Variants in ULK4 observed in about 807,000 individuals in gnomAD.
ULK4 encodes inactive serine/threonine-protein kinase ULK4.
A neutral mutation model predicts 160.6 loss-of-function variants in ULK4; 133 were observed. The observed-to-expected ratio is 0.83, with a 90% confidence interval of 0.72 to 0.96. ULK4 has a LOEUF of 0.96. Ranked by LOEUF, ULK4 falls within the 40% of genes least tolerant of loss-of-function variation. ULK4 has a pLI of 0.00. For synonymous variants in ULK4, 534 were observed against 539.8 expected, an observed-to-expected ratio of 0.99 and a Z score of 0.15; for missense variants, 1,580 against 1,499.5, an observed-to-expected ratio of 1.05 and a Z score of -0.89.
At chr3:41,935,697 A>T in intron 4 of ULK4, 104 bp downstream of exon 4, 2 of 1,344,354 alleles carry the variant, frequency 1.5e-6, no homozygotes, top group Non-Finnish European at 2.0e-6. Flanking sequence ...TAAAATTTCA[A>T]GATATTCTAT....
At chr3:41,751,003 A>C (rs2038607178) in intron 22 of ULK4, among the ~76,000 whole-genome samples, 1 of 72,508 alleles carries the variant, frequency 1.4e-5, no homozygotes, top group African/African-American at 5.7e-5. Context: ...AGAGAGAGGA[A>C]GGGAGGGAAG....
At chr3:41,256,762 C>T (rs1273878646) in intron 35 of ULK4, among the ~76,000 whole-genome samples, 1 of 151,986 alleles carries the variant, frequency 6.6e-6, no homozygotes, top group Non-Finnish European at 1.5e-5. Flanking sequence ...TTTTTGAAAA[C>T]ATAAGAGAAT....
In ULK4 at chr3:41,891,900, G is replaced by A. The variant is rs531804689; in HGVS notation, c.1577+3618C>T. Among the ~76,000 whole-genome samples the A allele has an allele frequency of 2.0e-4, 30 of 152,108 alleles. No individual in the cohort carries two copies. In the Middle Eastern group the frequency reaches 0.01, roughly 52 times the overall value. On this transcript the variant is annotated intron_variant, in intron 16 of 36. Transcript: ENST00000301831. The stretch of plus-strand genomic sequence containing the variant: ...AGCCTGAGTGACTGAGCGAGACTCC[G>A]TCTCAAACAAACAAAAAAAAACCTA...
intron 27 of ULK4, among the ~76,000 whole-genome samples, chr3:41,685,095 G>A (rs1223297450): frequency 6.6e-6 from 1 of 152,166 alleles, no homozygotes; most frequent in Non-Finnish European, 1.5e-5. Context: ...ATATTTGTGT[G>A]ACCTTTGCCA....
intron 22 of ULK4, among the ~76,000 whole-genome samples, chr3:41,733,951 G>T (rs1244561722): frequency 6.6e-6 from 1 of 151,862 alleles, no homozygotes; most frequent in Non-Finnish European, 1.5e-5. Flanking sequence ...TGGTCAGGCT[G>T]GTCTCAAACT....
At chr3:41,430,739 A>T (rs1369249799) in intron 34 of ULK4, among the ~76,000 whole-genome samples, 1 of 152,252 alleles carries the variant, frequency 6.6e-6, no homozygotes, top group African/African-American at 2.4e-5. Flanking sequence ...GGCATTAAAC[A>T]AAACAAAAAA....
intron 35 of ULK4, among the ~76,000 whole-genome samples, chr3:41,269,708 T>C (rs1306788341): frequency 1.3e-5 from 2 of 152,240 alleles, no homozygotes; most frequent in African/African-American, 4.8e-5. Flanking sequence ...CTTCATAGCA[T>C]CCTTATAAAT....
At chr3:41,664,770 C>T (rs527295879) in intron 29 of ULK4, among the ~76,000 whole-genome samples, 2 of 152,166 alleles carry the variant, frequency 1.3e-5, no homozygotes, top group South Asian at 4.2e-4. Context: ...CAGTATCAGG[C>T]CTGCTATGTT....
In ULK4 at chr3:41,271,121, G is replaced by T. The variant is rs568452940; in HGVS notation, c.3679-21547C>A. On this transcript the variant is annotated intron_variant, in intron 35 of 36. Coordinates refer to ENST00000301831, the MANE Select transcript of ULK4 (RefSeq NM_017886.4). ...TAAACTATACAATTTGCTAAGTTTGGATATACGTATACAATTGTGAAACCA... is the reference window on the plus strand; with the variant it reads ...TAAACTATACAATTTGCTAAGTTTGTATATACGTATACAATTGTGAAACCA... Among the ~76,000 whole-genome samples the T allele has an allele frequency of 7.2e-4, 109 of 152,098 alleles. 1 individual carries two copies. Among genetic ancestry groups the T allele is most frequent in the South Asian group, 2.5e-3 (12 of 4,830 alleles).
At chr3:41,516,124 T>G (rs2085739547) in intron 32 of ULK4, among the ~76,000 whole-genome samples, 1 of 152,218 alleles carries the variant, frequency 6.6e-6, no homozygotes, top group African/African-American at 2.4e-5. Context: ...CACACCTATT[T>G]AAACATTTTC....
chr3:41,480,714 AT>A (rs2084294626), intron 32 of ULK4, among the ~76,000 whole-genome samples: 3 of 152,160 alleles, frequency 2.0e-5, no homozygotes, highest in Admixed American at 2.0e-4. Flanking sequence ...AGACTGGGTA[AT>A]TTATAAAGGA....
At chr3:41,953,405 C>A (rs1343178737) in intron 2 of ULK4, among the ~76,000 whole-genome samples, 3 of 150,358 alleles carry the variant, frequency 2.0e-5, no homozygotes, top group Admixed American at 1.3e-4. Flanking sequence ...CCGGTTCAAG[C>A]GGTTCTCCTG....
chr3:41,719,199 T>C (rs2037371208), intron 22 of ULK4, among the ~76,000 whole-genome samples: 1 of 152,216 alleles, frequency 6.6e-6, no homozygotes, highest in Non-Finnish European at 1.5e-5. Context: ...GTTCCTTCTC[T>C]GTGTCTTTTG....
chr3:41,822,722 A>ATTTTTTTTT (rs1199516780), intron 18 of ULK4, among the ~76,000 whole-genome samples: 28 of 109,448 alleles, frequency 2.6e-4, no homozygotes, highest in Admixed American at 3.0e-4. Context: ...CCGGGCTGAG[A>ATTTTTTTTT]TTTTTTTTTT....
chr3:41,611,737 C>T (rs1471961446), intron 31 of ULK4, among the ~76,000 whole-genome samples: 1 of 152,154 alleles, frequency 6.6e-6, no homozygotes, highest in African/African-American at 2.4e-5. Flanking sequence ...CCTCCTAAAG[C>T]ACAGGCGTTC....
At chr3:41,437,182 G>T (rs2083055617) in intron 34 of ULK4, among the ~76,000 whole-genome samples, 2 of 152,128 alleles carry the variant, frequency 1.3e-5, no homozygotes, top group Admixed American at 1.3e-4. Flanking sequence ...GATGATAACA[G>T]CTACTATGAG....
intron 25 of ULK4, among the ~76,000 whole-genome samples, chr3:41,712,102 T>G (rs996754671): frequency 3.3e-5 from 5 of 152,240 alleles, no homozygotes; most frequent in African/African-American, 1.2e-4. Flanking sequence ...GACCAAAACT[T>G]CATTTTCCTT....
At position 41,916,047 on chromosome 3, in the gene ULK4, A is replaced by G; in HGVS notation, c.733T>C (p.Ser245Pro). ...DPLPPIPKDS[S>P]RPKASSDFIN... ...AAATCTGAAGAAGCTTTAGGACGAG[A>G]AGAATCTATAAATGAATTAATTTCC... Residue 245 changes from serine to proline, a missense_variant, in exon 8 of 37, where the codon TCT becomes CCT. By Grantham distance (74) the Ser-to-Pro change is moderately conservative (BLOSUM62 -1). Transcript: ENST00000301831. 1 of 1,574,148 alleles carries G rather than the reference A, an allele frequency of 6.4e-7. No individual in the cohort carries two copies. Among genetic ancestry groups the G allele is most frequent in the Non-Finnish European group, 8.6e-7 (1 of 1,164,962 alleles).
At chr3:41,486,755 G>A (rs2084552927) in intron 32 of ULK4, among the ~76,000 whole-genome samples, 2 of 152,140 alleles carry the variant, frequency 1.3e-5, no homozygotes, top group African/African-American at 4.8e-5. Context: ...TTGGCCTTCT[G>A]GACTAACTGC....
Sources: gnomAD v4.1 joint callset for allele counts (sites outside exome capture counted in the v4.1 genomes callset) on GRCh38, gnomAD v4.1.1 for gene constraint, MANE v1.5 for transcripts, NCBI Gene and HGNC (gene_info 2026-07-23, HGNC 2026-07-21) for gene names.